ETF1: variants seen among roughly 807,000 people sequenced by gnomAD.
ETF1 encodes eukaryotic translation termination factor 1, also known as eukaryotic peptide chain release factor subunit 1.
Under a neutral mutation model 55.1 loss-of-function variants are expected in ETF1, and 4 were observed. The observed-to-expected ratio is 0.07, with a 90% CI of 0.04 to 0.17. The LOEUF (loss-of-function observed/expected upper bound fraction) is 0.17, where lower values mean the gene tolerates loss of function less well. Ranked by LOEUF, ETF1 falls within the 10% of genes least tolerant of loss-of-function variation. The pLI is 1.00. For synonymous variants in ETF1, 157 were observed against 182.3 expected (o/e 0.86, Z 1.12); for missense variants, 142 against 523.6 (o/e 0.27, Z 7.11).
At chr5:138,521,937 T>C (rs1765249686) in intron 2 of ETF1, among the ~76,000 whole-genome samples, 1 of 152,172 alleles carries the variant, frequency 6.6e-6, no homozygotes, top group African/African-American at 2.4e-5. Flanking sequence ...TGATTCCTTT[T>C]CAAAAAGGAT....
At chr5:138,542,436 G>A (rs574746862) in intron 2 of ETF1, among the ~76,000 whole-genome samples, 40 of 152,286 alleles carry the variant, frequency 2.6e-4, no homozygotes, top group Admixed American at 1.0e-3. Flanking sequence ...AGAAATGAAG[G>A]GAGAAGAGGA....
intron 1 of ETF1, 66 bp downstream of exon 1, chr5:138,543,031 G>A (rs764576111): frequency 9.7e-6 from 11 of 1,128,720 alleles, no homozygotes; most frequent in African/African-American, 9.3e-5. Context: ...TCCCCCAGAG[G>A]CCCTCTCCTC....
chr5:138,530,635 G>A (rs181175424), intron 2 of ETF1, among the ~76,000 whole-genome samples: 77 of 152,104 alleles, frequency 5.1e-4, no homozygotes, highest in Middle Eastern at 3.4e-3. Flanking sequence ...GTGCAGTGGC[G>A]CCATCTCTGA....
chr5:138,523,614 T>C (rs1765330899), intron 2 of ETF1, among the ~76,000 whole-genome samples: 1 of 152,102 alleles, frequency 6.6e-6, no homozygotes, highest in South Asian at 2.1e-4. Flanking sequence ...AAAGGTAGAT[T>C]AGTGGTTGCC....
chr5:138,509,100 T>C (rs1268602112), intron 9 of ETF1: 2 of 985,182 alleles, frequency 2.0e-6, no homozygotes, highest in Non-Finnish European at 2.4e-6. Flanking sequence ...TACTGTTGAC[T>C]CTAGAAGTCA....
chr5:138,538,865 T>C (rs956582690), intron 2 of ETF1, among the ~76,000 whole-genome samples: 1 of 152,242 alleles, frequency 6.6e-6, no homozygotes, highest in Admixed American at 6.5e-5. Flanking sequence ...AACATTAACC[T>C]ATTCAATGAT....
intron 4 of ETF1, 30 bp downstream of exon 4, chr5:138,517,531 G>A (rs770832245): frequency 1.7e-5 from 24 of 1,417,420 alleles, no homozygotes; most frequent in South Asian, 9.5e-5. Context: ...ATTCTGGAGC[G>A]ATGAAAATGT....
chr5:138,535,811 G>A (rs1460164247), intron 2 of ETF1, among the ~76,000 whole-genome samples: 1 of 136,184 alleles, frequency 7.3e-6, no homozygotes, highest in Non-Finnish European at 1.5e-5. Flanking sequence ...GGAGGTGGAG[G>A]TTGCAGTAAG....
intron 2 of ETF1, among the ~76,000 whole-genome samples, chr5:138,528,753 A>T (rs1765576568): frequency 6.6e-6 from 1 of 152,140 alleles, no homozygotes; most frequent in Admixed American, 6.6e-5. Context: ...AAGACACCTG[A>T]CTAGGGAGGG....
rs1045232217 is a variant in ETF1 at position 138,543,135 on chromosome 5, C to CCGG, written c.-60_-58dup. ...CCTGGGCGGCAGCGGCTGCTCCTCC[C>CCGG]CGGCGGCGGCTCCGCGGCGGCGGCG... On this transcript the variant is annotated 5_prime_UTR_variant, in exon 1 of 11. Coordinates refer to ENST00000360541, the MANE Select transcript of ETF1 (RefSeq NM_004730.4). The CCGG allele has an allele frequency of 5.2e-6, 3 of 581,776 alleles. No homozygotes were observed. Among genetic ancestry groups the CCGG allele is most frequent in the Non-Finnish European group, 9.0e-6 (3 of 333,300 alleles). 36.0% of individuals were successfully genotyped at this position (581,776 alleles called of 1,614,324 possible). A position where few individuals can be genotyped will look rare whatever the true frequency, so the allele number is the denominator to read the frequency against.
At chr5:138,517,825 A>G (rs1456013992) in intron 3 of ETF1, 125 bp from the exon 4 acceptor site, 1 of 1,301,846 alleles carries the variant, frequency 7.7e-7, no homozygotes, top group African/African-American at 1.5e-5. Flanking sequence ...AATAAAGCAG[A>G]AAAAGCTTGA....
chr5:138,526,922 G>A (rs934750715), intron 2 of ETF1, among the ~76,000 whole-genome samples: 5 of 152,014 alleles, frequency 3.3e-5, no homozygotes, highest in Non-Finnish European at 1.5e-5. Context: ...GGATGTTCTC[G>A]ATCTCCCGAC....
chr5:138,527,539 G>T, intron 2 of ETF1, among the ~76,000 whole-genome samples: 1 of 152,188 alleles, frequency 6.6e-6, no homozygotes, highest in Non-Finnish European at 1.5e-5. Context: ...TGCCAATGGA[G>T]AGAAAAGATA....
At chr5:138,532,246 T>C (rs1029747672) in intron 2 of ETF1, among the ~76,000 whole-genome samples, 4 of 152,084 alleles carry the variant, frequency 2.6e-5, no homozygotes, top group Admixed American at 6.6e-5. Context: ...CAAAACTAAG[T>C]TTAAACTTTT....
chr5:138,541,726 G>C lies in ETF1; in HGVS notation c.86+1107C>G, dbSNP rs1766183976. The C allele has an allele frequency of 5.8e-5, 55 of 948,896 alleles. 1 individual carries two copies. In the South Asian group the frequency reaches 1.2e-3, roughly 21 times the overall value. The allele number at this position is 948,896 out of a possible 1,614,324, so 58.8% of individuals were successfully genotyped here. On this transcript the variant is annotated intron_variant, in intron 2 of 10. Transcript: ENST00000360541. ...CATTCTACTATTCTAAGAATGCTCA[G>C]ACATACAAGTATGTAATAATGTTCC...
chr5:138,541,694 G>A, intron 2 of ETF1: 1 of 1,309,144 alleles, frequency 7.6e-7, no homozygotes, highest in Non-Finnish European at 9.9e-7. Context: ...CATGGCCTGA[G>A]GCAGGCCATT....
In ETF1 at chr5:138,506,661, T is replaced by C. The variant is rs190848391; in HGVS notation, c.*1644A>G. On this transcript the variant is annotated 3_prime_UTR_variant, in exon 11 of 11. Coordinates refer to ENST00000360541, the MANE Select transcript of ETF1 (RefSeq NM_004730.4). ...GGGGGTTGAGACATCAGGTTACACA[T>C]TGACAGACAGTATTTGGACCTCAGA... The C allele has an allele frequency of 7.2e-5, 11 of 152,742 alleles. No individual in the cohort carries two copies. Among genetic ancestry groups the C allele is most frequent in the Non-Finnish European group, 1.0e-4 (7 of 68,028 alleles). 9.5% of individuals were successfully genotyped at this position (152,742 alleles called of 1,614,324 possible). A position where few individuals can be genotyped will look rare whatever the true frequency, so the allele number is the denominator to read the frequency against.
intron 2 of ETF1, among the ~76,000 whole-genome samples, chr5:138,522,179 C>A (rs1240266369): frequency 6.6e-6 from 1 of 151,874 alleles, no homozygotes; most frequent in African/African-American, 2.4e-5. Context: ...GACCTTTGGA[C>A]TTCAAAGGAT....
In ETF1 at chr5:138,543,230, C is replaced by T. The variant is rs539304795; in HGVS notation, c.-152G>A. The T allele has an allele frequency of 3.0e-3, 1,315 of 438,342 alleles. 10 individuals are homozygous for T. Among genetic ancestry groups the T allele is most frequent in the Middle Eastern group, 0.01 (18 of 1,718 alleles). The allele number at this position is 438,342 out of a possible 1,614,324, so 27.2% of individuals were successfully genotyped here. A position where few individuals can be genotyped will look rare whatever the true frequency, so the allele number is the denominator to read the frequency against. On this transcript the variant is annotated 5_prime_UTR_variant, in exon 1 of 11. Transcript: ENST00000360541. ...GTGTTGCAATCCGCTCACATGGGGCCTGTGACATCACTTCCTCCGCCAGGG... is the reference window on the plus strand; with the variant it reads ...GTGTTGCAATCCGCTCACATGGGGCTTGTGACATCACTTCCTCCGCCAGGG...
Sources: allele counts gnomAD v4.1 joint callset (sites outside exome capture counted in the v4.1 genomes callset), GRCh38; gene constraint gnomAD v4.1.1; transcripts MANE v1.5; gene names NCBI Gene and HGNC (gene_info 2026-07-23, HGNC 2026-07-21).